The following NRXN3 variants were observed in gnomAD, a reference collection of about 807,000 sequenced individuals.
The protein encoded by NRXN3 is neurexin III.
Under a neutral mutation model 137.6 loss-of-function variants are expected in NRXN3, and 32 were observed. The ratio of observed to expected loss-of-function variants is 0.23; its 90% CI spans 0.18 to 0.31. The LOEUF is 0.31. Among genes scored for constraint, NRXN3 ranks in the 10% least tolerant of loss-of-function variants. The pLI, the probability that NRXN3 is intolerant of heterozygous loss-of-function variation, is 1.00. For synonymous variants in NRXN3, 798 were observed against 784.5 expected (o/e 1.02, Z -0.29); for missense variants, 1,574 against 2,062.5 (o/e 0.76, Z 4.59).
chr14:79,663,884 C>T lies in NRXN3; in HGVS notation c.3551C>T (p.Thr1184Ile), dbSNP rs1287126223. The T allele has an allele frequency of 6.2e-7, 1 of 1,613,594 alleles. No individual in the cohort carries two copies. The highest frequency in any genetic ancestry group is 1.7e-5 in the Admixed American group (1 of 59,942). Residue 1184 changes from threonine to isoleucine, a missense_variant, in exon 17 of 21, where the codon ACC (threonine) becomes ATC (isoleucine). Around this residue, in one of 5 missense-constraint regions of NRXN3, gnomAD observed 133 missense variants for 241.8 expected, o/e 0.55. Coordinates refer to ENST00000335750, the MANE Select transcript of NRXN3 (RefSeq NM_001330195.2). ...GGCAAATACCATGTGGTACGCTTCA[C>T]CAGGAACGGCGGCAACGCCACCCTG... ...NDGKYHVVRFTRNGGNATLQV... is the reference protein window; with the variant it reads ...NDGKYHVVRFIRNGGNATLQV...
intron 1 of NRXN3, among the ~76,000 whole-genome samples, chr14:78,228,923 A>G (rs543544579): frequency 6.6e-6 from 1 of 152,306 alleles, no homozygotes; most frequent in East Asian, 1.9e-4. Flanking sequence ...TCATGCTCAG[A>G]TGTGTGAGGT....
chr14:79,125,639 C>A, intron 15 of NRXN3, among the ~76,000 whole-genome samples: 1 of 152,190 alleles, frequency 6.6e-6, no homozygotes, highest in East Asian at 1.9e-4. Flanking sequence ...CATCTTGCAA[C>A]AAGATTGTCA....
intron 15 of NRXN3, among the ~76,000 whole-genome samples, chr14:79,004,693 C>A (rs925254074): frequency 6.6e-6 from 1 of 152,212 alleles, no homozygotes; most frequent in Non-Finnish European, 1.5e-5. Context: ...ACTTCAACAT[C>A]TGTGCCTTAA....
rs145535290 is a variant in NRXN3 at position 79,076,601 on chromosome 14, C to T, written c.3262+88460C>T. On this transcript the variant is annotated intron_variant, in intron 15 of 20. Coordinates refer to ENST00000335750, the MANE Select transcript of NRXN3 (RefSeq NM_001330195.2). ...TGAGGGTTGGGGAGAAGGTGGAAGC[C>T]ATTGTTGTTTTCAATCTAATCTTGA... Among the ~76,000 whole-genome samples the T allele has an allele frequency of 1.4e-3, 218 of 152,230 alleles. 1 individual carries two copies. The highest frequency in any genetic ancestry group is 5.1e-3 in the African/African-American group (212 of 41,538).
intron 4 of NRXN3, among the ~76,000 whole-genome samples, chr14:78,553,361 T>C (rs538030503): frequency 1.3e-5 from 2 of 152,284 alleles, no homozygotes; most frequent in East Asian, 3.9e-4. Flanking sequence ...TTTCACTTGC[T>C]CTGTGAAGCA....
At chr14:79,669,282 A>T (rs1297819245) in intron 17 of NRXN3, 1 of 152,152 alleles carries the variant, frequency 6.6e-6, no homozygotes, top group Admixed American at 6.6e-5. Flanking sequence ...TTTCAGGACT[A>T]CAGACATATA....
intron 8 of NRXN3, among the ~76,000 whole-genome samples, chr14:78,761,310 T>A (rs888662007): frequency 6.6e-6 from 1 of 152,150 alleles, no homozygotes; most frequent in Non-Finnish European, 1.5e-5. Context: ...TAATATCAGC[T>A]GTTGCTGATA....
At chr14:78,317,059 T>G (rs2078790236) in intron 4 of NRXN3, among the ~76,000 whole-genome samples, 1 of 152,162 alleles carries the variant, frequency 6.6e-6, no homozygotes, top group African/African-American at 2.4e-5. Context: ...ATCTGCCGTC[T>G]GCAAACTGGA....
chr14:78,952,233 GT>G (rs35821335), intron 10 of NRXN3, among the ~76,000 whole-genome samples: 25,425 of 149,908 alleles, frequency 0.17, 3,327 homozygotes, highest in East Asian at 0.44. Context: ...GATTTAAAAT[GT>G]TTTTTTTTTC....
At chr14:79,746,755 C>G (rs2098980973) in intron 19 of NRXN3, among the ~76,000 whole-genome samples, 1 of 152,082 alleles carries the variant, frequency 6.6e-6, no homozygotes, top group Non-Finnish European at 1.5e-5. Flanking sequence ...TTCTACTGCT[C>G]TCTTACTCCT....
chr14:78,356,919 A>T (rs963708802), intron 4 of NRXN3, among the ~76,000 whole-genome samples: 1 of 152,178 alleles, frequency 6.6e-6, no homozygotes, highest in Non-Finnish European at 1.5e-5. Flanking sequence ...ACTTAACGTC[A>T]TTTGATTGGT....
At chr14:78,412,153 T>A (rs1020895107) in intron 4 of NRXN3, among the ~76,000 whole-genome samples, 3 of 152,188 alleles carry the variant, frequency 2.0e-5, no homozygotes, top group Non-Finnish European at 2.9e-5. Flanking sequence ...TGGGACATAA[T>A]AGAGTGACAT....
intron 8 of NRXN3, among the ~76,000 whole-genome samples, chr14:78,729,579 G>A (rs2098504620): frequency 6.6e-6 from 1 of 152,156 alleles, no homozygotes; most frequent in Admixed American, 6.5e-5. Context: ...GTTTCATGGG[G>A]CTGGTCCAGA....
chr14:78,342,240 A>G (rs1187751952), intron 4 of NRXN3, among the ~76,000 whole-genome samples: 1 of 152,216 alleles, frequency 6.6e-6, no homozygotes, highest in Non-Finnish European at 1.5e-5. Flanking sequence ...CTGAACTCAA[A>G]GGCAGTTAGA....
chr14:79,774,595 C>A (rs914536573), intron 19 of NRXN3, among the ~76,000 whole-genome samples: 18 of 152,132 alleles, frequency 1.2e-4, no homozygotes, highest in African/African-American at 3.9e-4. Context: ...AATGTCTTCG[C>A]ATTCATTATC....
intron 4 of NRXN3, among the ~76,000 whole-genome samples, chr14:78,365,196 TA>T (rs957880646): frequency 1.1e-4 from 16 of 152,192 alleles, no homozygotes; most frequent in Admixed American, 3.3e-4. Context: ...AGGCTCTGTA[TA>T]TTTTTTTTGG....
At chr14:78,664,339 C>T (rs1416499502) in intron 6 of NRXN3, among the ~76,000 whole-genome samples, 1 of 152,202 alleles carries the variant, frequency 6.6e-6, no homozygotes, top group Non-Finnish European at 1.5e-5. Context: ...CCCCTCCTCT[C>T]TTGCCTCTTT....
chr14:79,669,401 CAATTAATCACTCAAACTAGT>C (rs1248114408), intron 17 of NRXN3, among the ~76,000 whole-genome samples: 1 of 152,096 alleles, frequency 6.6e-6, no homozygotes, highest in African/African-American at 2.4e-5. Flanking sequence ...CAAAATGTAT[CAATTAATCACTCAAACTAGT>C]GTATCTTGAA....
intron 10 of NRXN3, among the ~76,000 whole-genome samples, chr14:78,930,482 G>C (rs1167246173): frequency 6.6e-6 from 1 of 152,208 alleles, no homozygotes. Flanking sequence ...AGACAAATAT[G>C]ATTTGGTTTG....
Sources: allele counts gnomAD v4.1 joint callset (sites outside exome capture counted in the v4.1 genomes callset), GRCh38; gene constraint gnomAD v4.1.1; regional missense constraint gnomAD v4.1.1; transcripts MANE v1.5; gene names NCBI Gene and HGNC (gene_info 2026-07-23, HGNC 2026-07-21).